ADSS1: variants seen among roughly 807,000 people sequenced by gnomAD.
ADSS1 encodes adenylosuccinate synthetase isozyme 1.
Under a neutral mutation model 59.1 loss-of-function variants are expected in ADSS1, and 57 were observed. The ratio of observed to expected loss-of-function variants is 0.97; its 90% CI spans 0.78 to 1.20. The LOEUF (loss-of-function observed/expected upper bound fraction) is 1.20. Ranked by LOEUF, ADSS1 falls within the 50% of genes most tolerant of loss-of-function variation. The pLI is 0.00. For missense variants in ADSS1, 603 were observed against 610.3 expected (o/e 0.99, Z 0.13); for synonymous variants, 247 against 249.4 (o/e 0.99, Z 0.09).
chr14:104,739,284 C>T (rs374632129), intron 3 of ADSS1, 44 bp from the exon 4 acceptor site: 10 of 1,584,962 alleles, frequency 6.3e-6, no homozygotes, highest in African/African-American at 1.3e-5. Context: ...TGAGCTGCAG[C>T]GCACCTGTGA....
intron 5 of ADSS1, 57 bp downstream of exon 5, chr14:104,739,873 A>G: frequency 6.3e-7 from 1 of 1,584,810 alleles, no homozygotes. Context: ...GTAAGCCGGT[A>G]GACTGTGGGG....
chr14:104,734,544 T>A (rs952182877), intron 1 of ADSS1, among the ~76,000 whole-genome samples: 4 of 152,208 alleles, frequency 2.6e-5, no homozygotes, highest in African/African-American at 9.6e-5. Flanking sequence ...GCTGGGTGTT[T>A]CCCAGAACAG....
chr14:104,725,077 C>T (rs1890681431), intron 1 of ADSS1, among the ~76,000 whole-genome samples: 1 of 152,160 alleles, frequency 6.6e-6, no homozygotes, highest in Admixed American at 6.5e-5. Flanking sequence ...CCTAGCCAGA[C>T]ATGGGAGAGG....
chr14:104,747,001 T>C lies in ADSS1; in HGVS notation c.1372T>C (p.Ter458GlnextTer102). 6.2e-7 allele frequency: 1 copy of C among 1,614,016 alleles called. No individual in the cohort carries two copies. Among genetic ancestry groups the C allele is most frequent in the Admixed American group, 1.7e-5 (1 of 60,024 alleles). The stretch of plus-strand genomic sequence containing the variant: ...AAGAGAGTCGATGATCCAGCTGTTT[T>C]AGTCACAGACTGAGCTGATCCCAAC... ...KSRESMIQLF[*>Q] Residue 458 changes from the stop codon to glutamine (Q), a stop_lost, in exon 13 of 13, where the codon TAG (stop) becomes CAG (glutamine). Transcript: ENST00000330877.
At chr14:104,727,326 C>T (rs1261142836) in intron 1 of ADSS1, among the ~76,000 whole-genome samples, 3 of 152,040 alleles carry the variant, frequency 2.0e-5, no homozygotes, top group African/African-American at 4.8e-5. Context: ...TCTGACCACA[C>T]CCCCACCTCA....
rs1366337426 is a variant in ADSS1, at chr14:104,740,648, C to G, written c.524C>G (p.Ala175Gly). 3.1e-6 allele frequency: 5 copies of G among 1,613,872 alleles called. No individual in the cohort carries two copies. In the East Asian group the frequency reaches 1.1e-4, roughly 36 times the overall value. ...KGIGPTYSSK[A>G]ARTGLRICDL... Reference sequence around the variant, plus strand: ...ATCGGACCAACCTACTCTTCCAAAGCTGCCCGGACAGGCCTCCGCATCTGC... The same window carrying G: ...ATCGGACCAACCTACTCTTCCAAAGGTGCCCGGACAGGCCTCCGCATCTGC... The change falls in exon 6 of 13, where the codon GCT becomes GGT. Residue 175 changes from alanine to glycine, a missense_variant. By Grantham distance (60) the Ala-to-Gly change is moderately conservative. Transcript: ENST00000330877. This position sits in a 1 kb window ranked among gnomAD's most constrained non-coding sequence, Gnocchi z 4.8.
chr14:104,747,095 C>A lies in ADSS1; in HGVS notation c.*92C>A. On this transcript the variant is annotated 3_prime_UTR_variant, in exon 13 of 13. Coordinates refer to ENST00000330877, the MANE Select transcript of ADSS1 (RefSeq NM_152328.5). The stretch of plus-strand genomic sequence containing the variant: ...GTTCCTCGGCCGCCACAACCAACAC[C>A]AAAGCAGGAAAACCATTTTCTGTAC... The A allele has an allele frequency of 1.7e-6, 2 of 1,183,314 alleles. No individual in the cohort carries two copies. The highest frequency in any genetic ancestry group is 1.2e-6 in the Non-Finnish European group (1 of 839,018). 73.3% of individuals were successfully genotyped at this position (1,183,314 alleles called of 1,614,324 possible). A position where few individuals can be genotyped will look rare whatever the true frequency, so the allele number is the denominator to read the frequency against.
At chr14:104,734,044 G>A (rs1457252337) in intron 1 of ADSS1, among the ~76,000 whole-genome samples, 1 of 152,244 alleles carries the variant, frequency 6.6e-6, no homozygotes, top group Non-Finnish European at 1.5e-5. Context: ...GTGCTGTAGG[G>A]ATATCCCTTG....
At position 104,744,616 on chromosome 14, in the gene ADSS1, C is replaced by T. The variant is rs928374609; in HGVS notation, c.1074-196C>T. The T allele has an allele frequency of 4.3e-5, 25 of 584,208 alleles. No individual in the cohort carries two copies. The Middle Eastern group carries it at 1.4e-3, about 32-fold the overall frequency. The allele number at this position is 584,208 out of a possible 1,614,324, so 36.2% of individuals were successfully genotyped here. On this transcript the variant is annotated intron_variant, in intron 10 of 12. Coordinates refer to ENST00000330877, the MANE Select transcript of ADSS1 (RefSeq NM_152328.5). ...GAATGACAGGAGGTGGAGCTCAGGC[C>T]GTAATGCTAGCTTGCCCGCCACTCA...
At chr14:104,725,007 G>T (rs1890679394) in intron 1 of ADSS1, among the ~76,000 whole-genome samples, 1 of 152,188 alleles carries the variant, frequency 6.6e-6, no homozygotes. Flanking sequence ...AGGTGGAAGG[G>T]GGCCAGGCCG....
intron 1 of ADSS1, among the ~76,000 whole-genome samples, chr14:104,726,518 C>G (rs1890721847): frequency 6.6e-6 from 1 of 152,220 alleles, no homozygotes; most frequent in African/African-American, 2.4e-5. Context: ...GGGTTCTCCC[C>G]TACCACCGGG....
At position 104,739,484 on chromosome 14, in the gene ADSS1, T is replaced by C. The variant is rs1297501482; in HGVS notation, c.409+106T>C. The C allele has an allele frequency of 4.6e-6, 6 of 1,304,150 alleles. No homozygotes were observed. The Admixed American group carries it at 1.0e-4, about 22-fold the overall frequency. The allele number at this position is 1,304,150 out of a possible 1,614,324, so 80.8% of individuals were successfully genotyped here. ...GAGATCAGGGAAGTCCCCAAGGCCT[T>C]CTTGCTCCACATGGCTCCATTAGCT... On this transcript the variant is annotated intron_variant, in intron 4 of 12. Transcript: ENST00000330877.
intron 1 of ADSS1, among the ~76,000 whole-genome samples, chr14:104,726,101 C>A (rs1430064888): frequency 6.6e-6 from 1 of 152,230 alleles, no homozygotes; most frequent in African/African-American, 2.4e-5. Context: ...CAGGCCACCC[C>A]CACCAGGCCA....
chr14:104,731,254 G>T (rs1452851482), intron 1 of ADSS1, among the ~76,000 whole-genome samples: 1 of 152,170 alleles, frequency 6.6e-6, no homozygotes, highest in Non-Finnish European at 1.5e-5. Context: ...TACTGTCCCT[G>T]ACCTGGCAAA....
chr14:104,724,241 G>A lies in ADSS1; in HGVS notation c.-30G>A. On this transcript the variant is annotated 5_prime_UTR_variant, in exon 1 of 13. Transcript: ENST00000330877. ...CGCCGGCGGCGGCGGGCTCCTGGCC[G>A]GGCCAGCGCAGCGGAAGAGCCAAGC... 2.5e-6 allele frequency: 3 copies of A among 1,222,926 alleles called. No homozygotes were observed. Among genetic ancestry groups the A allele is most frequent in the East Asian group, 6.5e-5 (2 of 30,858 alleles). 75.8% of individuals were successfully genotyped at this position (1,222,926 alleles called of 1,614,324 possible).
At chr14:104,727,519 A>T (rs1890749649) in intron 1 of ADSS1, among the ~76,000 whole-genome samples, 1 of 151,712 alleles carries the variant, frequency 6.6e-6, no homozygotes, top group African/African-American at 2.4e-5. Context: ...CGGCCACATC[A>T]CATCGTCTGC....
At chr14:104,733,101 C>T (rs902513247) in intron 1 of ADSS1, among the ~76,000 whole-genome samples, 3 of 152,054 alleles carry the variant, frequency 2.0e-5, no homozygotes, top group African/African-American at 4.8e-5. Flanking sequence ...CCTGCCTTGG[C>T]GCCTGGCAGC....
At chr14:104,745,539 C>T (rs1412164707) in intron 11 of ADSS1, 1 of 153,196 alleles carries the variant, frequency 6.5e-6, no homozygotes, top group Non-Finnish European at 1.5e-5. Flanking sequence ...GCGAGCTGCT[C>T]CTGGCTGGTC....
intron 1 of ADSS1, among the ~76,000 whole-genome samples, chr14:104,728,536 A>G (rs1890785176): frequency 6.6e-6 from 1 of 152,166 alleles, no homozygotes; most frequent in Non-Finnish European, 1.5e-5. Flanking sequence ...AGAGCCCAGA[A>G]GGGAGTGAAG....
Sources: allele counts gnomAD v4.1 joint callset (sites outside exome capture counted in the v4.1 genomes callset), GRCh38; gene constraint gnomAD v4.1.1; non-coding constraint Gnocchi (gnomAD v3.1); transcripts MANE v1.5; gene names NCBI Gene and HGNC (gene_info 2026-07-23, HGNC 2026-07-21).